Variants in UGDH observed in about 807,000 individuals in gnomAD.
UGDH encodes UDP-glucose 6-dehydrogenase.
A neutral mutation model predicts 50.6 loss-of-function variants in UGDH; 38 were observed. The observed-to-expected ratio is 0.75, with a 90% confidence interval of 0.58 to 0.98. UGDH has a LOEUF of 0.98. Ranked by LOEUF, UGDH falls within the 50% of genes least tolerant of loss-of-function variation. The pLI is 0.00. For synonymous variants in UGDH, 168 were observed against 199.9 expected, an observed-to-expected ratio of 0.84 and a Z score of 1.35; for missense variants, 465 against 606.2, an observed-to-expected ratio of 0.77 and a Z score of 2.45.
At chr4:39,506,358 G>A (rs1746025277) in intron 7 of UGDH, among the ~76,000 whole-genome samples, 1 of 152,086 alleles carries the variant, frequency 6.6e-6, no homozygotes, top group South Asian at 2.1e-4. Context: ...GCGCATTTGA[G>A]GTTCAGCTAT....
chr4:39,504,153 A>G (rs1481109141), intron 10 of UGDH, among the ~76,000 whole-genome samples, 168 bp from the exon 11 acceptor site: 1 of 151,990 alleles, frequency 6.6e-6, no homozygotes, highest in Non-Finnish European at 1.5e-5. Flanking sequence ...CTAAAAATAC[A>G]AAAAATTAGT....
At chr4:39,512,894 T>G (rs950301141) in intron 3 of UGDH, among the ~76,000 whole-genome samples, 1 of 149,896 alleles carries the variant, frequency 6.7e-6, no homozygotes, top group Non-Finnish European at 1.5e-5. Flanking sequence ...CAATAATGGC[T>G]CATTGCAGCC....
chr4:39,507,759 G>A (rs1746082692), intron 7 of UGDH, among the ~76,000 whole-genome samples: 1 of 152,020 alleles, frequency 6.6e-6, no homozygotes, highest in Non-Finnish European at 1.5e-5. Flanking sequence ...ACCAGCCTGG[G>A]CAATATAGTG....
At chr4:39,516,570 T>A (rs939603291) in intron 2 of UGDH, among the ~76,000 whole-genome samples, 17 of 152,172 alleles carry the variant, frequency 1.1e-4, no homozygotes, top group Admixed American at 1.1e-3. Flanking sequence ...TTTAGAAAAC[T>A]ATGTCTATAG....
At chr4:39,520,112 G>A (rs1411408069) in intron 2 of UGDH, among the ~76,000 whole-genome samples, 1 of 152,102 alleles carries the variant, frequency 6.6e-6, no homozygotes, top group African/African-American at 2.4e-5. Context: ...GCCGAGGAGG[G>A]GCGATCCCCT....
Position 39,519,946 on chromosome 4 carries a change from T to C in UGDH, c.162+1405A>G, listed in dbSNP as rs1255603647. Among the ~76,000 whole-genome samples, 5 of 152,322 alleles carry C rather than the reference T, an allele frequency of 3.3e-5. No individual in the cohort carries two copies. The East Asian group carries it at 9.6e-4, about 29-fold the overall frequency. ...TAGATTTCCATATCTTATATTCCTATAGATAGCAGGCAGACCTATCTTAGA... is the reference window on the plus strand; with the variant it reads ...TAGATTTCCATATCTTATATTCCTACAGATAGCAGGCAGACCTATCTTAGA... On this transcript the variant is annotated intron_variant, in intron 2 of 11. Transcript: ENST00000316423.
At chr4:39,501,576 A>G (rs9995522) in intron 11 of UGDH, among the ~76,000 whole-genome samples, 10,730 of 152,222 alleles carry the variant, frequency 0.07, 477 homozygotes, top group African/African-American at 0.11. Context: ...CCCGGCCAGC[A>G]TAATTCTTAA....
At chr4:39,508,864 A>G (rs1039968066) in intron 6 of UGDH, among the ~76,000 whole-genome samples, 1 of 151,290 alleles carries the variant, frequency 6.6e-6, no homozygotes, top group Non-Finnish European at 1.5e-5. Flanking sequence ...ATAATTTTCT[A>G]ACTAAAATTT....
At chr4:39,525,397 T>C (rs1746834453) in intron 1 of UGDH, among the ~76,000 whole-genome samples, 1 of 152,106 alleles carries the variant, frequency 6.6e-6, no homozygotes, top group Non-Finnish European at 1.5e-5. Context: ...TTTCACCATA[T>C]TGGTCAGGCT....
intron 5 of UGDH, 146 bp from the exon 6 acceptor site, chr4:39,510,053 G>A: frequency 2.1e-6 from 2 of 973,272 alleles, no homozygotes; most frequent in South Asian, 1.9e-5. Context: ...CAATGGATGG[G>A]TTAGAAAGGG....
At position 39,499,318 on chromosome 4, in the gene UGDH, T is replaced by C. The variant is rs1330600543; in HGVS notation, c.*825A>G. The C allele has an allele frequency of 6.6e-6, 1 of 152,148 alleles. No individual in the cohort carries two copies. The highest frequency in any genetic ancestry group is 6.5e-5 in the Admixed American group (1 of 15,268). The allele number at this position is 152,148 out of a possible 1,614,324, so 9.4% of individuals were successfully genotyped here. On this transcript the variant is annotated 3_prime_UTR_variant, in exon 12 of 12. Coordinates refer to ENST00000316423, the MANE Select transcript of UGDH (RefSeq NM_003359.4). ...GGTGACTGGAAATTAACAGTGATGATTTTGAGCTAAAAAATCAGTGACACA... is the reference window on the plus strand; with the variant it reads ...GGTGACTGGAAATTAACAGTGATGACTTTGAGCTAAAAAATCAGTGACACA...
intron 2 of UGDH, among the ~76,000 whole-genome samples, chr4:39,519,067 C>A (rs1295694805): frequency 6.6e-6 from 1 of 152,122 alleles, no homozygotes; most frequent in Non-Finnish European, 1.5e-5. Flanking sequence ...CAGGCGTGAG[C>A]CACCACACCT....
chr4:39,520,524 G>C (rs937591368), intron 2 of UGDH, among the ~76,000 whole-genome samples: 8 of 151,848 alleles, frequency 5.3e-5, no homozygotes, highest in African/African-American at 1.9e-4. Context: ...CAGTAAAATA[G>C]TTAGAAGCAT....
intron 1 of UGDH, among the ~76,000 whole-genome samples, chr4:39,523,718 C>T (rs905350626): frequency 2.0e-5 from 3 of 151,534 alleles, no homozygotes; most frequent in African/African-American, 2.4e-5. Context: ...GCAGGAGAAT[C>T]GCTTGAACCC....
chr4:39,521,083 A>G (rs1578281696), intron 2 of UGDH, among the ~76,000 whole-genome samples: 2 of 151,552 alleles, frequency 1.3e-5, no homozygotes, highest in East Asian at 1.9e-4. Flanking sequence ...AAAAAAAAAA[A>G]AAAAAAAGAA....
At chr4:39,516,273 G>A (rs1371584505) in intron 2 of UGDH, among the ~76,000 whole-genome samples, 1 of 152,132 alleles carries the variant, frequency 6.6e-6, no homozygotes, top group Non-Finnish European at 1.5e-5. Flanking sequence ...CACAGAGCAA[G>A]GCCCTGTCTC....
chr4:39,517,973 C>A (rs541609373), intron 2 of UGDH, among the ~76,000 whole-genome samples: 17 of 152,178 alleles, frequency 1.1e-4, no homozygotes, highest in Admixed American at 4.6e-4. Context: ...CTGTTACCAA[C>A]GCTGGAGTGC....
intron 2 of UGDH, among the ~76,000 whole-genome samples, chr4:39,517,397 A>G (rs773850414): frequency 1.3e-5 from 2 of 151,968 alleles, no homozygotes; most frequent in Non-Finnish European, 2.9e-5. Context: ...TTAAATACAG[A>G]CGGGGTTTCA....
chr4:39,517,283 A>T (rs1488348121), intron 2 of UGDH, among the ~76,000 whole-genome samples: 1 of 151,208 alleles, frequency 6.6e-6, no homozygotes, highest in Admixed American at 6.6e-5. Context: ...GCTCACTGCA[A>T]CCTCCACCTC....
Sources: gnomAD v4.1 joint callset for allele counts (sites outside exome capture counted in the v4.1 genomes callset) on GRCh38, gnomAD v4.1.1 for gene constraint, MANE v1.5 for transcripts, NCBI Gene and HGNC (gene_info 2026-07-23, HGNC 2026-07-21) for gene names.